CADPS2: variants seen among roughly 807,000 people sequenced by gnomAD.
CADPS2 encodes calcium dependent secretion activator 2, also known as calcium-dependent secretion activator 2.
A neutral mutation model predicts 172.5 loss-of-function variants in CADPS2; 93 were observed. The observed-to-expected ratio is 0.54, with a 90% CI of 0.46 to 0.64. CADPS2 has a LOEUF of 0.64. Ranked by LOEUF, CADPS2 falls within the 30% of genes least tolerant of loss-of-function variation. The probability of loss-of-function intolerance (pLI) is 0.00; values close to 1 mark genes in which losing one functional copy is unlikely to be tolerated. For missense variants in CADPS2, 1,420 were observed against 1,565.9 expected, an observed-to-expected ratio of 0.91 and a Z score of 1.57; for synonymous variants, 546 against 555.2, an observed-to-expected ratio of 0.98 and a Z score of 0.23.
chr7:122,369,636 T>A (rs1260167076), intron 25 of CADPS2: 1 of 152,228 alleles, frequency 6.6e-6, no homozygotes, highest in South Asian at 2.1e-4. Flanking sequence ...CCCTCAGGTG[T>A]CTCAAAGGCA....
At chr7:122,682,622 C>T (rs1273625666) in intron 2 of CADPS2, among the ~76,000 whole-genome samples, 12 of 152,136 alleles carry the variant, frequency 7.9e-5, no homozygotes, top group South Asian at 2.1e-4. Flanking sequence ...TGCTGTCTTA[C>T]AGCTTTACAG....
intron 25 of CADPS2, among the ~76,000 whole-genome samples, chr7:122,366,512 G>A (rs2040870077): frequency 6.6e-6 from 1 of 150,530 alleles, no homozygotes; most frequent in Non-Finnish European, 1.5e-5. Context: ...GGCTGAGGCA[G>A]GAGAATCGCT....
chr7:122,481,275 AG>A (rs1176959556), intron 11 of CADPS2, among the ~76,000 whole-genome samples: 1 of 149,954 alleles, frequency 6.7e-6, no homozygotes, highest in Non-Finnish European at 1.5e-5. Flanking sequence ...ACGTCAGCAG[AG>A]GTCTGCCCTG....
intron 22 of CADPS2, among the ~76,000 whole-genome samples, chr7:122,390,922 C>A (rs1240815386): frequency 6.6e-6 from 1 of 151,696 alleles, no homozygotes. Context: ...TGCTGGCATT[C>A]ATTTCTAGAG....
intron 7 of CADPS2, 36 bp downstream of exon 7, chr7:122,581,143 G>A: frequency 6.7e-7 from 1 of 1,500,256 alleles, no homozygotes; most frequent in Non-Finnish European, 9.3e-7. Flanking sequence ...AGTTAAAACT[G>A]TTCTACCCTG....
At chr7:122,819,754 C>T (rs1484880862) in intron 1 of CADPS2, among the ~76,000 whole-genome samples, 5 of 152,098 alleles carry the variant, frequency 3.3e-5, no homozygotes. Context: ...TCATCGCCAC[C>T]CTTCTTCCCA....
intron 22 of CADPS2, 97 bp from the exon 23 acceptor site, chr7:122,388,835 T>A: frequency 9.1e-7 from 1 of 1,098,884 alleles, no homozygotes; most frequent in Non-Finnish European, 1.2e-6. Context: ...TTGCCATCAG[T>A]GAAAAAAATA....
intron 2 of CADPS2, among the ~76,000 whole-genome samples, chr7:122,732,234 G>A (rs749477812): frequency 1.3e-5 from 2 of 151,378 alleles, no homozygotes; most frequent in African/African-American, 2.4e-5. Flanking sequence ...GTCAAATAAC[G>A]TGGAGAAAAA....
At chr7:122,779,220 T>C (rs2093972065) in intron 1 of CADPS2, among the ~76,000 whole-genome samples, 1 of 152,192 alleles carries the variant, frequency 6.6e-6, no homozygotes, top group Non-Finnish European at 1.5e-5. Context: ...AATGGACTAA[T>C]ACACCAACCA....
intron 1 of CADPS2, among the ~76,000 whole-genome samples, chr7:122,809,553 C>T (rs1225631468): frequency 1.3e-5 from 2 of 149,416 alleles, no homozygotes; most frequent in Non-Finnish European, 3.0e-5. Context: ...GCACTCCAGC[C>T]TGGGCAATAG....
chr7:122,357,051 A>C (rs1230024292), intron 27 of CADPS2, among the ~76,000 whole-genome samples: 7 of 152,214 alleles, frequency 4.6e-5, no homozygotes, highest in Admixed American at 2.0e-4. Context: ...ACGCATGCAT[A>C]TACATATATC....
At chr7:122,384,762 T>C (rs2043423836) in intron 24 of CADPS2, among the ~76,000 whole-genome samples, 1 of 152,130 alleles carries the variant, frequency 6.6e-6, no homozygotes, top group Admixed American at 6.6e-5. Context: ...AGTAGATTAC[T>C]CTTCAAAACC....
chr7:122,697,622 C>A, intron 2 of CADPS2: 2 of 565,310 alleles, frequency 3.5e-6, no homozygotes, highest in Non-Finnish European at 5.9e-6. Context: ...AAAAAAAATC[C>A]CGCTAGGACT....
At chr7:122,780,695 G>A (rs1257495550) in intron 1 of CADPS2, among the ~76,000 whole-genome samples, 1 of 152,074 alleles carries the variant, frequency 6.6e-6, no homozygotes, top group Non-Finnish European at 1.5e-5. Flanking sequence ...TTTTTTGAGA[G>A]AGAGAGTCTC....
chr7:122,490,161 T>A lies in CADPS2; in HGVS notation c.1772A>T (p.Gln591Leu). The A allele has an allele frequency of 6.2e-7, 1 of 1,613,560 alleles. No individual in the cohort carries two copies. Among genetic ancestry groups the A allele is most frequent in the Non-Finnish European group, 8.5e-7 (1 of 1,179,610 alleles). ...AATTGCAGGAACTGGTTTATATGAT[T>A]GACCTGTGGCCCTATACATGGCTTG... ...WVQAMYRATG[Q>L]SYKPVPAIQT... The change falls in exon 11 of 30, where the codon CAA becomes CTA. Residue 591 changes from glutamine to leucine, a missense_variant. Coordinates refer to ENST00000449022, the MANE Select transcript of CADPS2 (RefSeq NM_017954.11).
intron 2 of CADPS2, among the ~76,000 whole-genome samples, chr7:122,701,173 T>C (rs1165528683): frequency 6.6e-6 from 1 of 152,118 alleles, no homozygotes; most frequent in Non-Finnish European, 1.5e-5. Flanking sequence ...GTTTTTAACA[T>C]ATACTAATGT....
At chr7:122,329,193 C>A (rs1156671740) in intron 28 of CADPS2, among the ~76,000 whole-genome samples, 4 of 152,190 alleles carry the variant, frequency 2.6e-5, no homozygotes, top group Non-Finnish European at 5.9e-5. Context: ...ACACCCTGAA[C>A]CCCCTCAGTG....
intron 2 of CADPS2, among the ~76,000 whole-genome samples, chr7:122,682,318 G>C (rs143541997): frequency 6.6e-6 from 1 of 152,118 alleles, no homozygotes; most frequent in Non-Finnish European, 1.5e-5. Flanking sequence ...GCTTCTACAC[G>C]TAGCCACAAA....
intron 14 of CADPS2, among the ~76,000 whole-genome samples, chr7:122,469,228 T>C (rs184492043): frequency 2.6e-5 from 4 of 152,320 alleles, no homozygotes; most frequent in East Asian, 1.9e-4. Flanking sequence ...CAAACACATA[T>C]ATTTTGGGGG....
Sources: allele counts gnomAD v4.1 joint callset (sites outside exome capture counted in the v4.1 genomes callset), GRCh38; gene constraint gnomAD v4.1.1; transcripts MANE v1.5; gene names NCBI Gene and HGNC (gene_info 2026-07-23, HGNC 2026-07-21).